Variants in THADA observed in about 807,000 individuals in gnomAD.
The protein encoded by THADA is THADA armadillo repeat containing.
Under a neutral mutation model 219.8 loss-of-function variants are expected in THADA, and 213 were observed. That is an observed-to-expected ratio of 0.97 (90% confidence interval 0.87 to 1.09). The LOEUF (loss-of-function observed/expected upper bound fraction) is 1.09, where lower values mean the gene tolerates loss of function less well. Among genes scored for constraint, THADA ranks in the 50% least tolerant of loss-of-function variants. THADA has a pLI of 0.00. For synonymous variants in THADA, 1,018 were observed against 828.9 expected (o/e 1.23, Z -3.92); for missense variants, 2,956 against 2,311.3 (o/e 1.28, Z -5.72).
Position 43,397,269 on chromosome 2 carries a change from T to C in THADA, c.4227+702A>G, listed in dbSNP as rs181120260. 4.3e-3 allele frequency among the ~76,000 whole-genome samples: 656 copies of C among 152,266 alleles called. 5 individuals carry two copies. Among genetic ancestry groups the C allele is most frequent in the Admixed American group, 0.01 (157 of 15,304 alleles). On this transcript the variant is annotated intron_variant, in intron 29 of 37. Transcript: ENST00000405975. ...ACCAGGAACATGACCTGACATTTATTTTCCACCCCTAACCGCATGCCTATA... is the reference window on the plus strand; with the variant it reads ...ACCAGGAACATGACCTGACATTTATCTTCCACCCCTAACCGCATGCCTATA...
At position 43,325,661 on chromosome 2, in the gene THADA, AG is replaced by A. The variant is rs1679237233; in HGVS notation, c.4344-5122del. ...AGGGAGAAAGGAGGAAAATATAATC[AG>A]AGTGTATCAAAGTAGTGTAGTAAGG... On this transcript the variant is annotated intron_variant, in intron 30 of 37. Coordinates refer to ENST00000405975, the MANE Select transcript of THADA (RefSeq NM_022065.5). Among the ~76,000 whole-genome samples the A allele has an allele frequency of 7.2e-5, 11 of 152,192 alleles. No homozygotes were observed. In the South Asian group the frequency reaches 2.3e-3, roughly 32 times the overall value.
At chr2:43,560,176 T>A (rs533610827) in intron 16 of THADA, 58 bp downstream of exon 16, 3 of 1,459,946 alleles carry the variant, frequency 2.1e-6, no homozygotes, top group Non-Finnish European at 2.8e-6. Context: ...GATTGCTTTA[T>A]CTGCTGATAG....
chr2:43,278,149 C>T (rs1346278049), intron 36 of THADA, among the ~76,000 whole-genome samples: 1 of 151,964 alleles, frequency 6.6e-6, no homozygotes, highest in Non-Finnish European at 1.5e-5. Flanking sequence ...TGGGGTTTCA[C>T]CATATTGGCC....
At chr2:43,381,840 C>T (rs1672072892) in intron 29 of THADA, among the ~76,000 whole-genome samples, 1 of 152,144 alleles carries the variant, frequency 6.6e-6, no homozygotes, top group African/African-American at 2.4e-5. Context: ...CTGCCTCGGC[C>T]TCCCAAAGTG....
intron 34 of THADA, among the ~76,000 whole-genome samples, chr2:43,287,755 T>C (rs1674211345): frequency 6.6e-6 from 1 of 152,212 alleles, no homozygotes; most frequent in African/African-American, 2.4e-5. Flanking sequence ...CCCCAGATTC[T>C]TGGCTGGGCC....
intron 26 of THADA, among the ~76,000 whole-genome samples, 167 bp downstream of exon 26, chr2:43,485,067 G>C (rs1316659069): frequency 6.6e-6 from 1 of 151,722 alleles, no homozygotes; most frequent in Non-Finnish European, 1.5e-5. Context: ...TGATATTTTT[G>C]CCCAAGGGTT....
rs993387012 is a variant in THADA at position 43,296,874 on chromosome 2, C to G, written c.4439-3661G>C. ...GGGAGGCAGCGGCTGGAGGAGCGGA[C>G]GGGCCCCGCGGGGCCCGAGGGCAAG... On this transcript the variant is annotated intron_variant, in intron 31 of 37. Transcript: ENST00000405975. Among the ~76,000 whole-genome samples, 8 of 150,558 alleles carry G rather than the reference C, an allele frequency of 5.3e-5. No homozygotes were observed. The South Asian group carries it at 6.3e-4, about 12-fold the overall frequency.
At chr2:43,562,964 A>G (rs1263648611) in intron 15 of THADA, 1 of 152,148 alleles carries the variant, frequency 6.6e-6, no homozygotes, top group Non-Finnish European at 1.5e-5. Flanking sequence ...TCTTTCTTTT[A>G]TCTTAGTCAG....
In THADA at chr2:43,574,362, A is replaced by C; in HGVS notation, c.1703T>G (p.Leu568Arg). ...AGTTTTAGCATCAATAGAAGTCTGA[A>C]GAATCTTTACCATGTACTGTAAGCT... ...PESLQYMVKI[L>R]QTSIDAKTGQ... The change falls in exon 11 of 38, where the codon CTT becomes CGT. Residue 568 changes from leucine to arginine, a missense_variant. Transcript: ENST00000405975. 6.3e-7 allele frequency: 1 copy of C among 1,580,568 alleles called. No homozygotes were observed. Among genetic ancestry groups the C allele is most frequent in the East Asian group, 2.2e-5 (1 of 44,682 alleles).
At chr2:43,592,688 A>ATTC (rs1701699938) in intron 1 of THADA, among the ~76,000 whole-genome samples, 3 of 152,212 alleles carry the variant, frequency 2.0e-5, no homozygotes, top group Non-Finnish European at 2.9e-5. Flanking sequence ...TTGAAGAAGA[A>ATTC]AAATGTTTTA....
intron 31 of THADA, among the ~76,000 whole-genome samples, chr2:43,299,514 T>A (rs1254343159): frequency 6.6e-6 from 1 of 150,416 alleles, no homozygotes; most frequent in African/African-American, 2.4e-5. Context: ...ATACAAAAAT[T>A]AGCTGGGCGT....
chr2:43,577,110 T>G lies in THADA; in HGVS notation c.949A>C (p.Met317Leu). The G allele has an allele frequency of 6.2e-7, 1 of 1,613,316 alleles. No individual in the cohort carries two copies. Among genetic ancestry groups the G allele is most frequent in the Non-Finnish European group, 8.5e-7 (1 of 1,179,686 alleles). ...VLFLCQGTLA[M>L]LDWQNGSMGR... is the part of the protein sequence containing the mutation. ...ATGCTTCCGTTCTGCCAGTCCAACA[T>G]GGCAAGTGTCCCCTGACAGAGGAAT... The change falls in exon 10 of 38, where the codon ATG (methionine) becomes CTG (leucine). Residue 317 changes from methionine (M) to leucine (L), a missense_variant. By Grantham distance (15) the Met-to-Leu change is conservative. Coordinates refer to ENST00000405975, the MANE Select transcript of THADA (RefSeq NM_022065.5).
chr2:43,273,271 A>AACAAC (rs1466869721), intron 36 of THADA, among the ~76,000 whole-genome samples: 35 of 133,944 alleles, frequency 2.6e-4, no homozygotes, highest in African/African-American at 1.1e-3. Context: ...CAACAACAAC[A>AACAAC]AAAAAAAAAA....
intron 16 of THADA, among the ~76,000 whole-genome samples, chr2:43,559,418 C>A (rs192336301): frequency 6.6e-6 from 1 of 152,194 alleles, no homozygotes; most frequent in South Asian, 2.1e-4. Flanking sequence ...CATCTACAAG[C>A]TACCATGCCC....
intron 36 of THADA, among the ~76,000 whole-genome samples, chr2:43,243,342 G>C (rs1668806463): frequency 6.6e-6 from 1 of 152,132 alleles, no homozygotes; most frequent in South Asian, 2.1e-4. Context: ...GGTGCTACTG[G>C]CATTTAGTAG....
intron 26 of THADA, among the ~76,000 whole-genome samples, chr2:43,472,467 G>A (rs1291341296): frequency 1.3e-5 from 2 of 152,156 alleles, no homozygotes; most frequent in African/African-American, 2.4e-5. Flanking sequence ...ATCATTGAAA[G>A]AACCTCTTTT....
chr2:43,540,392 T>A (rs903458603), intron 21 of THADA, among the ~76,000 whole-genome samples: 1 of 152,210 alleles, frequency 6.6e-6, no homozygotes, highest in African/African-American at 2.4e-5. Flanking sequence ...ACTAGTCATG[T>A]GGTTATTATA....
rs1357504862 is a variant in THADA, at chr2:43,433,264, T to TCACA, written c.3837-2966_3837-2963dup. 2.0e-5 allele frequency among the ~76,000 whole-genome samples: 3 copies of TCACA among 151,900 alleles called. No homozygotes were observed. In the East Asian group the frequency reaches 5.8e-4, roughly 29 times the overall value. ...GAGATGTGCTGCTGGGTGTGGTGGC[T>TCACA]CACACCTGTAATCCCAACATTTTGG... is the stretch of plus-strand genomic sequence containing the variant. On this transcript the variant is annotated intron_variant, in intron 26 of 37. Transcript: ENST00000405975.
chr2:43,421,567 G>C (rs982268229), intron 28 of THADA, among the ~76,000 whole-genome samples: 1 of 152,120 alleles, frequency 6.6e-6, no homozygotes, highest in African/African-American at 2.4e-5. Context: ...GGACAATAAA[G>C]AGTTATCTAC....
Sources: allele counts gnomAD v4.1 joint callset (sites outside exome capture counted in the v4.1 genomes callset), GRCh38; gene constraint gnomAD v4.1.1; transcripts MANE v1.5; gene names NCBI Gene and HGNC (gene_info 2026-07-23, HGNC 2026-07-21).